The following USP43 variants were observed in gnomAD, a reference collection of about 807,000 sequenced individuals.
USP43 encodes ubiquitin specific peptidase 43.
A neutral mutation model predicts 90.7 loss-of-function variants in USP43; 33 were observed. That is an observed-to-expected ratio of 0.36 (90% CI 0.28 to 0.49). The LOEUF is 0.49. Ranked by LOEUF, USP43 falls within the 20% of genes least tolerant of loss-of-function variation. The probability of loss-of-function intolerance (pLI) is 0.98; values close to 1 mark genes in which losing one functional copy is unlikely to be tolerated. For synonymous variants in USP43, 598 were observed against 615.8 expected, an observed-to-expected ratio of 0.97 and a Z score of 0.43; for missense variants, 1,274 against 1,476.4, an observed-to-expected ratio of 0.86 and a Z score of 2.25.
chr17:9,676,654 G>T, intron 4 of USP43, 92 bp from the exon 5 acceptor site: 2 of 1,470,714 alleles, frequency 1.4e-6, no homozygotes, highest in Admixed American at 2.2e-5. Flanking sequence ...TTACAGGTGT[G>T]AGCCACTGCG....
Position 9,686,773 on chromosome 17 carries a change from T to C in USP43, c.1242-25T>C, listed in dbSNP as rs767801663. On this transcript the variant is annotated intron_variant, in intron 7 of 14. Transcript: ENST00000285199. This position sits in a 1 kb window ranked among gnomAD's most constrained non-coding sequence, Gnocchi z 5.5. ...GTTGCTGGTTTTTCCTTTGCTGGGATAACCCGATTTCCTTGGATTTTCAGG... is the reference window on the plus strand; with the variant it reads ...GTTGCTGGTTTTTCCTTTGCTGGGACAACCCGATTTCCTTGGATTTTCAGG... 3 of 1,607,710 alleles carry C rather than the reference T, an allele frequency of 1.9e-6. No homozygotes were observed. The East Asian group carries it at 6.7e-5, about 36-fold the overall frequency.
chr17:9,707,968 G>T (rs141014204), intron 12 of USP43, among the ~76,000 whole-genome samples: 4 of 152,318 alleles, frequency 2.6e-5, no homozygotes, highest in African/African-American at 7.2e-5. Context: ...TTTTGAAAGG[G>T]CGACTGATTG....
chr17:9,700,349 G>A (rs535830599), intron 10 of USP43, 100 bp downstream of exon 10: 1 of 1,165,804 alleles, frequency 8.6e-7, no homozygotes, highest in East Asian at 2.6e-5. Flanking sequence ...TGCAGGCAGG[G>A]TGCACACATC....
chr17:9,674,997 G>T lies in USP43; in HGVS notation c.833+14G>T. 6.2e-7 allele frequency: 1 copy of T among 1,610,400 alleles called. No homozygotes were observed. The highest frequency in any genetic ancestry group is 8.5e-7 in the Non-Finnish European group (1 of 1,176,688). ...GCGCCAGACGAGGTACGTGAGTGTC[G>T]CGGCTTGCCCGGTGAACTTGACTTC... On this transcript the variant is annotated intron_variant, in intron 4 of 14. Transcript: ENST00000285199. This position sits in a 1 kb window ranked among gnomAD's most constrained non-coding sequence, Gnocchi z 4.4.
At chr17:9,649,395 A>G (rs929061720) in intron 1 of USP43, among the ~76,000 whole-genome samples, 2 of 151,736 alleles carry the variant, frequency 1.3e-5, no homozygotes, top group African/African-American at 4.8e-5. Context: ...TTTATTTTAG[A>G]TTCAGTGGGT....
chr17:9,700,495 G>C (rs1915507804), intron 10 of USP43, among the ~76,000 whole-genome samples: 2 of 152,200 alleles, frequency 1.3e-5, no homozygotes, highest in African/African-American at 4.8e-5. Flanking sequence ...TGCAGTCATA[G>C]TAGACAGTTA....
intron 1 of USP43, among the ~76,000 whole-genome samples, chr17:9,647,846 TCCAAAAAAA>T (rs1468506672): frequency 5.3e-5 from 2 of 37,452 alleles, no homozygotes; most frequent in Admixed American, 3.1e-4. Context: ...TTACTAAAAA[TCCAAAAAAA>T]AAAAAAAAAA....
intron 10 of USP43, among the ~76,000 whole-genome samples, chr17:9,700,831 A>AG (rs1915522632): frequency 1.3e-5 from 2 of 152,342 alleles, no homozygotes; most frequent in South Asian, 4.1e-4. Flanking sequence ...CAGTCCAGCA[A>AG]GTATTTATTG....
rs772666473 is a variant in USP43, at chr17:9,728,068, G to T, written c.2450G>T (p.Trp817Leu). ...CCATTCAAGACCATGCCTCTGCGGT[G>T]GTCCTTTGGATCCAAGGAGAAACCA... ...QGPFKTMPLR[W>L]SFGSKEKPPG... is the part of the protein sequence containing the mutation. Residue 817 changes from tryptophan to leucine, a missense_variant, in exon 15 of 15, where the codon TGG becomes TTG. By Grantham distance (61) the Trp-to-Leu change is moderately conservative (BLOSUM62 -2). Around this residue, in one of 6 missense-constraint regions of USP43, gnomAD observed 285 missense variants for 349.6 expected, o/e 0.82. Transcript: ENST00000285199. The surrounding 1 kb of genome is among the most constrained non-coding windows in gnomAD (Gnocchi z 6.2). 1 of 1,613,912 alleles carries T rather than the reference G, an allele frequency of 6.2e-7. No individual in the cohort carries two copies. The highest frequency in any genetic ancestry group is 8.5e-7 in the Non-Finnish European group (1 of 1,179,876).
At chr17:9,681,191 AAT>A (rs1398513875) in intron 6 of USP43, among the ~76,000 whole-genome samples, 1 of 61,222 alleles carries the variant, frequency 1.6e-5, no homozygotes, top group Non-Finnish European at 2.6e-5. Context: ...TATACTATAT[AAT>A]ATATACTATA....
chr17:9,682,405 T>C (rs1914345729), intron 6 of USP43, among the ~76,000 whole-genome samples: 1 of 151,998 alleles, frequency 6.6e-6, no homozygotes, highest in Non-Finnish European at 1.5e-5. Context: ...CCATCTCTAC[T>C]AAGAATACAA....
chr17:9,687,284 C>A (rs1200993142), intron 8 of USP43, among the ~76,000 whole-genome samples: 2 of 151,924 alleles, frequency 1.3e-5, no homozygotes, highest in African/African-American at 4.8e-5. Context: ...TATGGCTTAC[C>A]ATAGTTTTTC....
chr17:9,692,195 C>T (rs1009692650), intron 8 of USP43, among the ~76,000 whole-genome samples: 1 of 151,402 alleles, frequency 6.6e-6, no homozygotes, highest in African/African-American at 2.4e-5. Flanking sequence ...CCCATCTCTA[C>T]TAAAAATACA....
intron 12 of USP43, among the ~76,000 whole-genome samples, chr17:9,707,100 A>G (rs979054157): frequency 3.3e-5 from 5 of 152,170 alleles, no homozygotes; most frequent in African/African-American, 9.7e-5. Context: ...GCCATTTTAC[A>G]TATCAAAATA....
At chr17:9,647,846 TCC>T (rs534052250) in intron 1 of USP43, among the ~76,000 whole-genome samples, 1,569 of 37,370 alleles carry the variant, frequency 0.042, 60 homozygotes, top group East Asian at 0.12. Context: ...TTACTAAAAA[TCC>T]AAAAAAAAAA....
At chr17:9,663,146 T>C (rs1462822896) in intron 2 of USP43, among the ~76,000 whole-genome samples, 1 of 152,048 alleles carries the variant, frequency 6.6e-6, no homozygotes, top group Admixed American at 6.6e-5. Flanking sequence ...TATAACTCTT[T>C]AAATACTCAG....
At chr17:9,700,291 GC>G (rs1320704600) in intron 10 of USP43, 42 bp downstream of exon 10, 1 of 1,545,686 alleles carries the variant, frequency 6.5e-7, no homozygotes, top group African/African-American at 1.4e-5. Flanking sequence ...CTGAGACAGG[GC>G]CTGTGTGTGC....
At chr17:9,717,919 C>T (rs924413622) in intron 14 of USP43, among the ~76,000 whole-genome samples, 2 of 151,748 alleles carry the variant, frequency 1.3e-5, no homozygotes, top group African/African-American at 4.8e-5. Context: ...GCCTCAGACT[C>T]CCGAGTAGCT....
chr17:9,701,759 TG>T lies in USP43; in HGVS notation c.2011+61del. 7 of 1,409,392 alleles carry T rather than the reference TG, an allele frequency of 5.0e-6. No homozygotes were observed. Among genetic ancestry groups the T allele is most frequent in the Non-Finnish European group, 6.7e-6 (7 of 1,052,170 alleles). The allele number at this position is 1,409,392 out of a possible 1,614,324, so 87.3% of individuals were successfully genotyped here. ...TGTGGCCACAGCCTCGAGATGTCCC[TG>T]GAATGGGTGTTGCTCAGATGCTGAG... On this transcript the variant is annotated intron_variant, in intron 12 of 14. Transcript: ENST00000285199. This position sits in a 1 kb window ranked among gnomAD's most constrained non-coding sequence, Gnocchi z 7.2.
Sources: allele counts gnomAD v4.1 joint callset (sites outside exome capture counted in the v4.1 genomes callset), GRCh38; gene constraint gnomAD v4.1.1; regional missense constraint gnomAD v4.1.1; non-coding constraint Gnocchi (gnomAD v3.1); transcripts MANE v1.5; gene names NCBI Gene and HGNC (gene_info 2026-07-23, HGNC 2026-07-21).